The following ARRB1 variants were observed in gnomAD, a reference collection of about 807,000 sequenced individuals.
ARRB1 encodes arrestin beta 1.
A neutral mutation model predicts 56.8 loss-of-function variants in ARRB1; 21 were observed. The ratio of observed to expected loss-of-function variants is 0.37; its 90% confidence interval spans 0.26 to 0.53. The LOEUF (loss-of-function observed/expected upper bound fraction) is 0.53, where lower values mean the gene tolerates loss of function less well. Ranked by LOEUF, ARRB1 falls within the 20% of genes least tolerant of loss-of-function variation. The probability of loss-of-function intolerance (pLI) is 0.88; values close to 1 mark genes in which losing one functional copy is unlikely to be tolerated. For missense variants in ARRB1, 424 were observed against 553.7 expected (o/e 0.77, Z 2.35); for synonymous variants, 210 against 218.6 (o/e 0.96, Z 0.35).
rs931601884 is a variant in ARRB1, at chr11:75,264,548, A to G, written c.*1615T>C. ...TACCTATGGCCACAGCCTGACATCA[A>G]TCCCTTCCCAGTCTTGGGCACAGGG... On this transcript the variant is annotated 3_prime_UTR_variant, in exon 16 of 16. Transcript: ENST00000420843. 1 of 152,196 alleles carries G rather than the reference A, an allele frequency of 6.6e-6. No homozygotes were observed. The highest frequency in any genetic ancestry group is 1.5e-5 in the Non-Finnish European group (1 of 68,074). 9.4% of individuals were successfully genotyped at this position (152,196 alleles called of 1,614,324 possible).
rs1387336092 is a variant in ARRB1, at chr11:75,284,219, G to C, written c.157+16C>G. The C allele has an allele frequency of 1.2e-6, 2 of 1,601,500 alleles. No homozygotes were observed. Among genetic ancestry groups the C allele is most frequent in the Non-Finnish European group, 8.5e-7 (1 of 1,172,310 alleles). On this transcript the variant is annotated intron_variant, in intron 4 of 15. Transcript: ENST00000420843. ...AGGCGGCCCTTGACAGGCTGGGGAT[G>C]GGGGCCACAGCCTACCTCTCCGCTC...
chr11:75,275,982 G>T (rs1454572331), intron 10 of ARRB1, among the ~76,000 whole-genome samples: 4 of 151,902 alleles, frequency 2.6e-5, no homozygotes, highest in African/African-American at 7.2e-5. Flanking sequence ...TGATTTTTTT[G>T]AAAAAATCAA....
At position 75,260,394 on chromosome 11, in the gene ARRB1, C is replaced by T. The variant is rs906500765; in HGVS notation, c.*5769G>A. 10 of 152,230 alleles carry T rather than the reference C, an allele frequency of 6.6e-5. No homozygotes were observed. The highest frequency in any genetic ancestry group is 1.0e-4 in the Non-Finnish European group (7 of 68,082). The allele number at this position is 152,230 out of a possible 1,614,324, so 9.4% of individuals were successfully genotyped here. A position where few individuals can be genotyped will look rare whatever the true frequency, so the allele number is the denominator to read the frequency against. On this transcript the variant is annotated 3_prime_UTR_variant, in exon 16 of 16. Transcript: ENST00000420843. ...ATTCCATAGGAAGAGGCAGGTCCCA[C>T]AGTGTCTGTGGCTAGACCTTAACAC...
At chr11:75,306,403 T>C (rs1449580603) in intron 1 of ARRB1, 7 of 451,846 alleles carry the variant, frequency 1.5e-5, no homozygotes, top group Non-Finnish European at 3.0e-5. Flanking sequence ...CCCCGCACTG[T>C]TCCTCCCTGT....
chr11:75,347,623 C>A (rs981605768), intron 1 of ARRB1, among the ~76,000 whole-genome samples: 1 of 152,168 alleles, frequency 6.6e-6, no homozygotes, highest in African/African-American at 2.4e-5. Context: ...TGGGCAAAAG[C>A]GTCGAGTAGC....
chr11:75,344,500 C>G (rs1947737116), intron 1 of ARRB1, among the ~76,000 whole-genome samples: 1 of 152,202 alleles, frequency 6.6e-6, no homozygotes, highest in Non-Finnish European at 1.5e-5. Context: ...TACTCCCCAC[C>G]CCTCCCCTGG....
intron 3 of ARRB1, among the ~76,000 whole-genome samples, chr11:75,285,861 A>G (rs1239608265): frequency 6.6e-6 from 1 of 152,114 alleles, no homozygotes; most frequent in Non-Finnish European, 1.5e-5. Context: ...GACATGGACA[A>G]CCCTGGCCTC....
chr11:75,277,265 T>C (rs1296794249), intron 9 of ARRB1, 99 bp downstream of exon 9: 2 of 1,265,388 alleles, frequency 1.6e-6, no homozygotes, highest in African/African-American at 1.5e-5. Flanking sequence ...GGCTATTTTT[T>C]ATACAAGGCT....
At chr11:75,335,145 G>C in intron 1 of ARRB1, 2 of 256,678 alleles carry the variant, frequency 7.8e-6, no homozygotes, top group South Asian at 3.8e-5. Flanking sequence ...AGCACCACCC[G>C]CCTTCACAAA....
At chr11:75,331,351 A>G (rs1035087747) in intron 1 of ARRB1, among the ~76,000 whole-genome samples, 1 of 151,974 alleles carries the variant, frequency 6.6e-6, no homozygotes, top group African/African-American at 2.4e-5. Flanking sequence ...ATTCCTGTCT[A>G]AGGGGTCTGG....
Position 75,281,670 on chromosome 11 carries a change from T to A in ARRB1, c.414+292A>T, listed in dbSNP as rs1946345177. 1.2e-5 allele frequency: 5 copies of A among 420,898 alleles called. No homozygotes were observed. The South Asian group carries it at 1.9e-4, about 16-fold the overall frequency. The allele number at this position is 420,898 out of a possible 1,614,324, so 26.1% of individuals were successfully genotyped here. A position where few individuals can be genotyped will look rare whatever the true frequency, so the allele number is the denominator to read the frequency against. On this transcript the variant is annotated intron_variant, in intron 6 of 15. Coordinates refer to ENST00000420843, the MANE Select transcript of ARRB1 (RefSeq NM_004041.5). ...CACTTTGATTCCAGGTTGCCAGGGGTTACATGAGGCCAGGTGTAGGTCCTC... is the reference window on the plus strand; with the variant it reads ...CACTTTGATTCCAGGTTGCCAGGGGATACATGAGGCCAGGTGTAGGTCCTC...
chr11:75,286,557 A>G (rs1469683391), intron 3 of ARRB1, among the ~76,000 whole-genome samples: 2 of 151,880 alleles, frequency 1.3e-5, no homozygotes, highest in Admixed American at 6.6e-5. Flanking sequence ...GAGCCACCGC[A>G]CTTGGCCTAA....
chr11:75,282,077 A>G, intron 5 of ARRB1, 56 bp from the exon 6 acceptor site: 1 of 1,582,040 alleles, frequency 6.3e-7, no homozygotes, highest in Non-Finnish European at 8.7e-7. Context: ...GTCCTGTCTC[A>G]TGTATTGCAG....
At chr11:75,271,183 T>G (rs1946068046) in intron 13 of ARRB1, 1 of 152,464 alleles carries the variant, frequency 6.6e-6, no homozygotes, top group South Asian at 2.1e-4. Flanking sequence ...AGTTTAAGAT[T>G]TCTTAGGATG....
intron 1 of ARRB1, among the ~76,000 whole-genome samples, chr11:75,307,235 G>A (rs1209642114): frequency 1.3e-5 from 2 of 152,194 alleles, no homozygotes; most frequent in East Asian, 1.9e-4. Context: ...GAATCAGGGA[G>A]CGGAAGGGGT....
At chr11:75,308,773 AT>A (rs1269956576) in intron 1 of ARRB1, among the ~76,000 whole-genome samples, 1 of 151,374 alleles carries the variant, frequency 6.6e-6, no homozygotes, top group African/African-American at 2.4e-5. Flanking sequence ...CTACAGTAAT[AT>A]TTTTTTCTGG....
chr11:75,290,856 C>T (rs949863205), intron 1 of ARRB1, among the ~76,000 whole-genome samples: 9 of 152,230 alleles, frequency 5.9e-5, no homozygotes, highest in Non-Finnish European at 8.8e-5. Context: ...CTGCCCACCT[C>T]GACTTCCCAA....
chr11:75,304,043 G>A (rs1175777327), intron 1 of ARRB1, among the ~76,000 whole-genome samples: 2 of 152,172 alleles, frequency 1.3e-5, no homozygotes, highest in Non-Finnish European at 2.9e-5. Context: ...ATCTGGATGA[G>A]CACCATGGAT....
intron 2 of ARRB1, among the ~76,000 whole-genome samples, chr11:75,289,783 G>A (rs1176368202): frequency 1.3e-5 from 2 of 152,174 alleles, no homozygotes; most frequent in African/African-American, 4.8e-5. Context: ...CCAGAGCTCA[G>A]GGGAGCTGTG....
Sources: gnomAD v4.1 joint callset for allele counts (sites outside exome capture counted in the v4.1 genomes callset) on GRCh38, gnomAD v4.1.1 for gene constraint, MANE v1.5 for transcripts, NCBI Gene and HGNC (gene_info 2026-07-23, HGNC 2026-07-21) for gene names.